The following CTNNA3 variants were observed in gnomAD, a reference collection of about 807,000 sequenced individuals.
The protein encoded by CTNNA3 is catenin alpha-3.
Under a neutral mutation model 95.7 loss-of-function variants are expected in CTNNA3, and 76 were observed. The ratio of observed to expected loss-of-function variants is 0.79; its 90% confidence interval spans 0.66 to 0.96. The LOEUF (loss-of-function observed/expected upper bound fraction) is 0.96, where lower values mean the gene tolerates loss of function less well. CTNNA3 is among the 40% of genes least tolerant of loss of function. The probability of loss-of-function intolerance (pLI) is 0.00; values close to 1 mark genes in which losing one functional copy is unlikely to be tolerated. For synonymous variants in CTNNA3, 431 were observed against 374.4 expected, an observed-to-expected ratio of 1.15 and a Z score of -1.74; for missense variants, 1,191 against 1,089.8, an observed-to-expected ratio of 1.09 and a Z score of -1.31.
chr10:66,846,180 C>CG (rs1843268168), intron 7 of CTNNA3, among the ~76,000 whole-genome samples: 1 of 139,764 alleles, frequency 7.2e-6, no homozygotes, highest in South Asian at 2.4e-4. Flanking sequence ...ACCTGGCGGA[C>CG]ATTATGCTAA....
intron 7 of CTNNA3, among the ~76,000 whole-genome samples, chr10:66,945,822 G>A (rs915829834): frequency 6.6e-6 from 1 of 152,266 alleles, no homozygotes; most frequent in Admixed American, 6.5e-5. Flanking sequence ...ATGTGTCTCA[G>A]GGAATAGGGA....
intron 12 of CTNNA3, among the ~76,000 whole-genome samples, chr10:66,295,887 T>G (rs2091769696): frequency 6.6e-6 from 1 of 152,114 alleles, no homozygotes; most frequent in Non-Finnish European, 1.5e-5. Flanking sequence ...GTATTTGTAT[T>G]AACATTAACT....
intron 7 of CTNNA3, among the ~76,000 whole-genome samples, chr10:66,895,849 G>A (rs1845458579): frequency 6.6e-6 from 1 of 151,198 alleles, no homozygotes; most frequent in Non-Finnish European, 1.5e-5. Context: ...AGGCCAAGGT[G>A]GGAGGATAAC....
At position 66,995,852 on chromosome 10, in the gene CTNNA3, T is replaced by G. The variant is rs558387279; in HGVS notation, c.1047+184465A>C. Among the ~76,000 whole-genome samples, 96 of 152,316 alleles carry G rather than the reference T, an allele frequency of 6.3e-4. 1 individual carries two copies. Among genetic ancestry groups the G allele is most frequent in the African/African-American group, 2.2e-3 (90 of 41,574 alleles). The stretch of plus-strand genomic sequence containing the variant: ...ACCTTCCTGAAATCCACAGAGGAAA[T>G]TATACACTTCCATCTTTGTTTCATA... On this transcript the variant is annotated intron_variant, in intron 7 of 17. Coordinates refer to ENST00000433211, the MANE Select transcript of CTNNA3 (RefSeq NM_013266.4).
chr10:66,762,733 A>G (rs897350497), intron 9 of CTNNA3, among the ~76,000 whole-genome samples: 3 of 151,536 alleles, frequency 2.0e-5, no homozygotes, highest in African/African-American at 7.3e-5. Context: ...TTAATATTTC[A>G]TTTTCTGCTT....
intron 13 of CTNNA3, among the ~76,000 whole-genome samples, chr10:66,220,785 T>C (rs2088884890): frequency 6.6e-6 from 1 of 152,182 alleles, no homozygotes; most frequent in African/African-American, 2.4e-5. Flanking sequence ...GCCGTCCCTC[T>C]GAAGTCAAGC....
chr10:66,124,423 G>C (rs985708569), intron 13 of CTNNA3, among the ~76,000 whole-genome samples: 1 of 152,120 alleles, frequency 6.6e-6, no homozygotes, highest in Non-Finnish European at 1.5e-5. Context: ...CAAGTCTATA[G>C]GGTGTTCTAA....
intron 5 of CTNNA3, among the ~76,000 whole-genome samples, chr10:67,411,530 T>C (rs943760461): frequency 2.6e-5 from 4 of 152,078 alleles, no homozygotes; most frequent in Non-Finnish European, 4.4e-5. Flanking sequence ...TTCTGTTTTG[T>C]CCACAACTGA....
At chr10:67,339,671 T>C (rs981238408) in intron 5 of CTNNA3, among the ~76,000 whole-genome samples, 7 of 152,278 alleles carry the variant, frequency 4.6e-5, no homozygotes. Flanking sequence ...CTCTAGGCAA[T>C]GATCATGTTC....
At chr10:67,021,461 CAA>C (rs1853010972) in intron 7 of CTNNA3, among the ~76,000 whole-genome samples, 1 of 151,738 alleles carries the variant, frequency 6.6e-6, no homozygotes, top group South Asian at 2.1e-4. Context: ...ACCGTTCATA[CAA>C]AGAGTCACTG....
chr10:66,128,161 A>G (rs1435359579), intron 13 of CTNNA3, among the ~76,000 whole-genome samples: 5 of 152,218 alleles, frequency 3.3e-5, no homozygotes, highest in Admixed American at 2.6e-4. Context: ...ATTAACATAC[A>G]AAAGTTACTA....
At chr10:66,415,126 G>A (rs2093136295) in intron 11 of CTNNA3, among the ~76,000 whole-genome samples, 1 of 152,198 alleles carries the variant, frequency 6.6e-6, no homozygotes, top group Admixed American at 6.5e-5. Context: ...CAATGACTTG[G>A]GGATCACCCC....
intron 13 of CTNNA3, among the ~76,000 whole-genome samples, chr10:66,225,772 T>A (rs377431472): frequency 1.6e-4 from 25 of 152,026 alleles, no homozygotes; most frequent in Middle Eastern, 3.4e-3. Flanking sequence ...CCATTCTAAT[T>A]GGGGAAAAAT....
chr10:66,410,961 G>C (rs1233307510), intron 11 of CTNNA3, among the ~76,000 whole-genome samples: 2 of 152,180 alleles, frequency 1.3e-5, no homozygotes, highest in Non-Finnish European at 2.9e-5. Flanking sequence ...GATCTAAAGA[G>C]TGAAGTGAAT....
intron 11 of CTNNA3, among the ~76,000 whole-genome samples, chr10:66,466,405 C>T (rs767222408): frequency 6.0e-5 from 9 of 150,268 alleles, no homozygotes; most frequent in South Asian, 2.1e-4. Flanking sequence ...CGGAGAACTC[C>T]GACCAATATA....
intron 13 of CTNNA3, among the ~76,000 whole-genome samples, chr10:66,254,564 C>A (rs1472349275): frequency 1.3e-5 from 2 of 152,162 alleles, no homozygotes; most frequent in Non-Finnish European, 2.9e-5. Context: ...TGCTTTCTAT[C>A]TAATAAAACC....
At chr10:66,996,647 T>TCCAAAAAAAAAA (rs1851361925) in intron 7 of CTNNA3, among the ~76,000 whole-genome samples, 4 of 8,950 alleles carry the variant, frequency 4.5e-4, no homozygotes, top group Non-Finnish European at 7.2e-4. Context: ...ACTCCGTCTC[T>TCCAAAAAAAAAA]ACAAAAAAAA....
intron 13 of CTNNA3, among the ~76,000 whole-genome samples, chr10:66,227,542 A>C (rs1799570473): frequency 6.6e-6 from 1 of 152,098 alleles, no homozygotes; most frequent in Admixed American, 6.6e-5. Context: ...GCAATGTATA[A>C]TCCTTCTGAT....
At chr10:67,065,642 C>A (rs961690640) in intron 7 of CTNNA3, among the ~76,000 whole-genome samples, 10 of 152,130 alleles carry the variant, frequency 6.6e-5, no homozygotes, top group Admixed American at 2.0e-4. Flanking sequence ...CAATAAAATT[C>A]TCCAGTGCCT....
Sources: allele counts gnomAD v4.1 joint callset (sites outside exome capture counted in the v4.1 genomes callset), GRCh38; gene constraint gnomAD v4.1.1; transcripts MANE v1.5; gene names NCBI Gene and HGNC (gene_info 2026-07-23, HGNC 2026-07-21).